Variants in ZNF556 observed in about 807,000 individuals in gnomAD.
The protein encoded by ZNF556 is zinc finger protein 556.
A neutral mutation model predicts 13.6 loss-of-function variants in ZNF556; 11 were observed. The ratio of observed to expected loss-of-function variants is 0.81; its 90% CI spans 0.51 to 1.33. The LOEUF is 1.33. Among genes scored for constraint, ZNF556 ranks in the 40% most tolerant of loss-of-function variants. The probability of loss-of-function intolerance (pLI) is 0.00; values close to 1 mark genes in which losing one functional copy is unlikely to be tolerated. For synonymous variants in ZNF556, 229 were observed against 207.8 expected, an observed-to-expected ratio of 1.10 and a Z score of -0.88; for missense variants, 633 against 566.2, an observed-to-expected ratio of 1.12 and a Z score of -1.20.
rs2144899287 is a variant in ZNF556, at chr19:2,882,123, A to G, written c.*3794A>G. On this transcript the variant is annotated 3_prime_UTR_variant, in exon 4 of 4. Transcript: ENST00000307635. ...ACCGTGTGTCAAATTAAAAAGAAAAAAAGAAACAATAATTATTTCCCTGGC... is the reference window on the plus strand; with the variant it reads ...ACCGTGTGTCAAATTAAAAAGAAAAGAAGAAACAATAATTATTTCCCTGGC... The G allele has an allele frequency of 6.6e-6, 1 of 152,128 alleles. No individual in the cohort carries two copies. 9.4% of individuals were successfully genotyped at this position (152,128 alleles called of 1,614,324 possible). A position where few individuals can be genotyped will look rare whatever the true frequency, so the allele number is the denominator to read the frequency against.
intron 2 of ZNF556, among the ~76,000 whole-genome samples, chr19:2,874,370 C>G (rs749784889): frequency 3.3e-5 from 5 of 152,072 alleles, no homozygotes; most frequent in Non-Finnish European, 5.9e-5. Flanking sequence ...CATTGATGTC[C>G]TGGACCTAAA....
chr19:2,878,028 C>T lies in ZNF556; in HGVS notation c.1070C>T (p.Pro357Leu), dbSNP rs533836158. ...SVGKSSARPR[P>L]STDVKSQTRE... ...GGAAAGTCTTCCGCGAGGCCTCGCC[C>T]CTCCACAGATGTCAAATCACAAACT... Residue 357 changes from proline (P) to leucine (L), a missense_variant, in exon 4 of 4, where the codon CCC (proline) becomes CTC (leucine). Transcript: ENST00000307635. 3.1e-6 allele frequency: 5 copies of T among 1,614,058 alleles called. No homozygotes were observed. The South Asian group carries it at 4.4e-5, about 14-fold the overall frequency.
chr19:2,882,531 A>AGTGTGTGTGTGTGTGTGT lies in ZNF556; in HGVS notation c.*4220_*4237dup, dbSNP rs1555726894. ...ATACATTTTATATATATATATATAT[A>AGTGTGTGTGTGTGTGTGT]GTGTGTGTGTGTGTGTGTGTGTGTG... On this transcript the variant is annotated 3_prime_UTR_variant, in exon 4 of 4. Coordinates refer to ENST00000307635, the MANE Select transcript of ZNF556 (RefSeq NM_024967.3). The AGTGTGTGTGTGTGTGTGT allele has an allele frequency of 1.6e-5, 2 of 127,722 alleles. No homozygotes were observed. Among genetic ancestry groups the AGTGTGTGTGTGTGTGTGT allele is most frequent in the Non-Finnish European group, 3.2e-5 (2 of 62,732 alleles). The allele number at this position is 127,722 out of a possible 1,614,324, so 7.9% of individuals were successfully genotyped here. A position where few individuals can be genotyped will look rare whatever the true frequency, so the allele number is the denominator to read the frequency against.
At chr19:2,873,684 T>G (rs2087824947) in intron 2 of ZNF556, 62 bp downstream of exon 2, 2 of 1,571,326 alleles carry the variant, frequency 1.3e-6, no homozygotes, top group African/African-American at 1.3e-5. Flanking sequence ...CTGGTTGCAG[T>G]GGTTCATGCC....
chr19:2,874,391 T>C (rs1009483632), intron 2 of ZNF556, among the ~76,000 whole-genome samples: 2 of 152,138 alleles, frequency 1.3e-5, no homozygotes, highest in African/African-American at 2.4e-5. Context: ...ATTCAGTAGC[T>C]TCTCTGTGAT....
rs1181792018 is a variant in ZNF556 at position 2,879,012 on chromosome 19, A to G, written c.*683A>G. 2.6e-5 allele frequency: 4 copies of G among 152,104 alleles called. No homozygotes were observed. The highest frequency in any genetic ancestry group is 6.6e-5 in the Admixed American group (1 of 15,252). 9.4% of individuals were successfully genotyped at this position (152,104 alleles called of 1,614,324 possible). On this transcript the variant is annotated 3_prime_UTR_variant, in exon 4 of 4. Coordinates refer to ENST00000307635, the MANE Select transcript of ZNF556 (RefSeq NM_024967.3). ...TGTGAGGCCATTAGACCAATGAAATATGGGTGTTTGTTGACATTTTCTGAC... is the reference window on the plus strand; with the variant it reads ...TGTGAGGCCATTAGACCAATGAAATGTGGGTGTTTGTTGACATTTTCTGAC...
At position 2,877,194 on chromosome 19, in the gene ZNF556, G is replaced by A. The variant is rs374425926; in HGVS notation, c.315-79G>A. 84 of 1,241,270 alleles carry A rather than the reference G, an allele frequency of 6.8e-5. No homozygotes were observed. The African/African-American group carries it at 1.2e-3, about 18-fold the overall frequency. 76.9% of individuals were successfully genotyped at this position (1,241,270 alleles called of 1,614,324 possible). On this transcript the variant is annotated intron_variant, in intron 3 of 3. Coordinates refer to ENST00000307635, the MANE Select transcript of ZNF556 (RefSeq NM_024967.3). ...CACTGCACTCCAGCCTGGGGAACAA[G>A]AGCAAAACTCCATCTCAAGGAAAAA...
rs148749321 is a variant in ZNF556 at position 2,877,665 on chromosome 19, G to A, written c.707G>A (p.Cys236Tyr). The change falls in exon 4 of 4, where the codon TGT (cysteine) becomes TAT (tyrosine). Residue 236 changes from cysteine to tyrosine, a missense_variant. Cys to Tyr is a radical substitution (Grantham distance 194). Coordinates refer to ENST00000307635, the MANE Select transcript of ZNF556 (RefSeq NM_024967.3). The stretch of plus-strand genomic sequence containing the variant: ...GAGAAACCCTACGAATGTGGGCAGT[G>A]TGGGAAAGGCTTCAGTTGTCCCAAA... ...TGEKPYECGQCGKGFSCPKSF... is the reference protein window; with the variant it reads ...TGEKPYECGQYGKGFSCPKSF... The A allele has an allele frequency of 2.1e-3, 3,338 of 1,614,216 alleles. 13 individuals carry two copies. Among genetic ancestry groups the A allele is most frequent in the Non-Finnish European group, 2.5e-3 (2,979 of 1,180,042 alleles).
At position 2,877,418 on chromosome 19, in the gene ZNF556, A is replaced by G. The variant is rs752988560; in HGVS notation, c.460A>G (p.Lys154Glu). The G allele has an allele frequency of 5.6e-6, 9 of 1,614,038 alleles. No homozygotes were observed. In the Admixed American group the frequency reaches 1.5e-4, roughly 27 times the overall value. Residue 154 changes from lysine (K) to glutamate (E), a missense_variant, in exon 4 of 4, where the codon AAA (lysine) becomes GAA (glutamate). Lys to Glu is a moderately conservative substitution (Grantham distance 56, BLOSUM62 1). Coordinates refer to ENST00000307635, the MANE Select transcript of ZNF556 (RefSeq NM_024967.3). ...VRRYECSQCGKLFTHSSSLIR... is the reference protein window; with the variant it reads ...VRRYECSQCGELFTHSSSLIR... Reference sequence around the variant, plus strand: ...ACGGTACGAATGCAGTCAGTGTGGAAAACTCTTCACCCATTCCTCATCCCT... The same window carrying G: ...ACGGTACGAATGCAGTCAGTGTGGAGAACTCTTCACCCATTCCTCATCCCT...
chr19:2,867,918 C>T (rs973733316), intron 1 of ZNF556, among the ~76,000 whole-genome samples: 2 of 152,110 alleles, frequency 1.3e-5, no homozygotes, highest in South Asian at 2.1e-4. Context: ...AGCCCAGCCG[C>T]CCCTGCCTGG....
Position 2,877,761 on chromosome 19 carries a change from T to G in ZNF556, c.803T>G (p.Phe268Cys), listed in dbSNP as rs747935073. 8.1e-6 allele frequency: 13 copies of G among 1,611,854 alleles called. No individual in the cohort carries two copies. Among genetic ancestry groups the G allele is most frequent in the Non-Finnish European group, 1.1e-5 (13 of 1,179,272 alleles). ...GAGTGCAAGCACTGTGGGAAAGCCTTCAGGTGTCAGAAATCCTTTCGAGTC... is the reference window on the plus strand; with the variant it reads ...GAGTGCAAGCACTGTGGGAAAGCCTGCAGGTGTCAGAAATCCTTTCGAGTC... ...PYECKHCGKAFRCQKSFRVHM... is the reference protein window; with the variant it reads ...PYECKHCGKACRCQKSFRVHM... The change falls in exon 4 of 4, where the codon TTC becomes TGC. Residue 268 changes from phenylalanine to cysteine, a missense_variant. By Grantham distance (205) the Phe-to-Cys change is radical. Transcript: ENST00000307635.
chr19:2,875,175 C>T (rs938278379), intron 2 of ZNF556: 2 of 152,092 alleles, frequency 1.3e-5, no homozygotes, highest in Admixed American at 6.6e-5. Context: ...TCATCTTGAA[C>T]ATAAACACCT....
intron 2 of ZNF556, among the ~76,000 whole-genome samples, chr19:2,874,101 C>CA (rs1279593407): frequency 9.9e-5 from 15 of 151,766 alleles, no homozygotes; most frequent in South Asian, 4.2e-4. Flanking sequence ...TACTAAAATA[C>CA]AAAAAATTAG....
At chr19:2,872,029 T>G (rs2087807002) in intron 1 of ZNF556, among the ~76,000 whole-genome samples, 1 of 152,140 alleles carries the variant, frequency 6.6e-6, no homozygotes, top group Non-Finnish European at 1.5e-5. Flanking sequence ...TCAGAGACTT[T>G]TAGTACTTTC....
In ZNF556 at chr19:2,877,435, C is replaced by T. The variant is rs1328034325; in HGVS notation, c.477C>T (p.Ser159=). Residue 159 remains serine, a synonymous_variant, in exon 4 of 4, where the codon TCC becomes TCT. Coordinates refer to ENST00000307635, the MANE Select transcript of ZNF556 (RefSeq NM_024967.3). ...AGTGTGGAAAACTCTTCACCCATTC[C>T]TCATCCCTGATAAGGCACAAAAGAG... ...CSQCGKLFTH[S]SSLIRHKRAH... The T allele has an allele frequency of 6.2e-7, 1 of 1,614,118 alleles. No homozygotes were observed.
chr19:2,870,029 G>A (rs2087789411), intron 1 of ZNF556, among the ~76,000 whole-genome samples: 1 of 152,126 alleles, frequency 6.6e-6, no homozygotes, highest in Admixed American at 6.6e-5. Context: ...ACCTCTGGCT[G>A]TTTCTCCCAC....
At chr19:2,875,075 CTGGTT>C (rs953373995) in intron 2 of ZNF556, 5 of 157,592 alleles carry the variant, frequency 3.2e-5, no homozygotes, top group South Asian at 3.7e-4. Flanking sequence ...TCAGATGATT[CTGGTT>C]TGGTTTGGTT....
rs371366341 is a variant in ZNF556 at position 2,870,945 on chromosome 19, G to A, written c.4-2551G>A. ...TCCCAGCTACTCGGGAGGCTGAGGC[G>A]GGAGGATCACTTGAACCTTGGAGGT... is the stretch of plus-strand genomic sequence containing the variant. On this transcript the variant is annotated intron_variant, in intron 1 of 3. Coordinates refer to ENST00000307635, the MANE Select transcript of ZNF556 (RefSeq NM_024967.3). 9.7e-4 allele frequency among the ~76,000 whole-genome samples: 143 copies of A among 148,186 alleles called. 1 individual carries two copies. In the East Asian group the frequency reaches 0.014, roughly 15 times the overall value.
intron 1 of ZNF556, among the ~76,000 whole-genome samples, chr19:2,870,380 A>C (rs1304117631): frequency 6.6e-6 from 1 of 152,154 alleles, no homozygotes; most frequent in Non-Finnish European, 1.5e-5. Context: ...TGAGCCCAGG[A>C]GTTCAAGGCT....
Sources: allele counts gnomAD v4.1 joint callset (sites outside exome capture counted in the v4.1 genomes callset), GRCh38; gene constraint gnomAD v4.1.1; transcripts MANE v1.5; gene names NCBI Gene and HGNC (gene_info 2026-07-23, HGNC 2026-07-21).